Variants in KMT2C observed in about 807,000 individuals in gnomAD.
KMT2C encodes the protein lysine methyltransferase 2C.
Under a neutral mutation model 507.9 loss-of-function variants are expected in KMT2C, and 88 were observed. The observed-to-expected ratio is 0.17, with a 90% CI of 0.15 to 0.21. The LOEUF (loss-of-function observed/expected upper bound fraction) is 0.21, where lower values mean the gene tolerates loss of function less well. Among genes scored for constraint, KMT2C ranks in the 10% least tolerant of loss-of-function variants. The probability of loss-of-function intolerance (pLI) is 1.00; values close to 1 mark genes in which losing one functional copy is unlikely to be tolerated. For missense variants in KMT2C, 4,954 were observed against 5,957.8 expected (o/e 0.83, Z 5.55); for synonymous variants, 2,049 against 2,080.8 (o/e 0.98, Z 0.42).
intron 6 of KMT2C, among the ~76,000 whole-genome samples, chr7:152,283,696 T>C (rs1023893413): frequency 6.6e-6 from 1 of 152,102 alleles, no homozygotes; most frequent in Non-Finnish European, 1.5e-5. Flanking sequence ...AACATAACTT[T>C]GGTGAACAAA....
Position 152,166,207 on chromosome 7 carries a change from C to G in KMT2C, c.9750+939G>C, listed in dbSNP as rs372652842. ...GCGCAAGCTCGGCTCACCACAACCT[C>G]TGACTCCTTGGTGCAGGGATTCTCC... On this transcript the variant is annotated intron_variant, in intron 42 of 58. Coordinates refer to ENST00000262189, the MANE Select transcript of KMT2C (RefSeq NM_170606.3). Among the ~76,000 whole-genome samples, 65 of 151,092 alleles carry G rather than the reference C, an allele frequency of 4.3e-4. 1 individual carries two copies. The highest frequency in any genetic ancestry group is 1.5e-3 in the African/African-American group (63 of 41,000).
intron 2 of KMT2C, among the ~76,000 whole-genome samples, chr7:152,354,697 T>C (rs1052233425): frequency 6.6e-6 from 1 of 152,080 alleles, no homozygotes; most frequent in Non-Finnish European, 1.5e-5. Flanking sequence ...AGACAAAAAG[T>C]GCAAATGCCT....
chr7:152,215,494 A>T (rs1430290266), intron 23 of KMT2C, among the ~76,000 whole-genome samples: 1 of 137,244 alleles, frequency 7.3e-6, no homozygotes, highest in Non-Finnish European at 1.5e-5. Context: ...AGCCTGGGCG[A>T]CACAGCAAGA....
intron 16 of KMT2C, among the ~76,000 whole-genome samples, chr7:152,233,909 C>G (rs1274348037): frequency 1.3e-5 from 2 of 152,154 alleles, no homozygotes; most frequent in Non-Finnish European, 2.9e-5. Context: ...CTTTGGGAGA[C>G]GGATCATCTG....
At chr7:152,271,063 G>A (rs78253389) in intron 7 of KMT2C, among the ~76,000 whole-genome samples, 11 of 151,658 alleles carry the variant, frequency 7.3e-5, no homozygotes, top group Non-Finnish European at 1.3e-4. Flanking sequence ...TCCTTAGATA[G>A]GAGGTAAAAT....
rs869076803 is a variant in KMT2C, at chr7:152,226,219, C to CTTTTT, written c.2977-1608_2977-1604dup. Among the ~76,000 whole-genome samples, 71 of 94,946 alleles carry CTTTTT rather than the reference C, an allele frequency of 7.5e-4. 4 individuals carry two copies. Among genetic ancestry groups the CTTTTT allele is most frequent in the African/African-American group, 2.6e-3 (63 of 23,966 alleles). The allele number at this position is 94,946 out of a possible 152,430, so 62.3% of individuals were successfully genotyped here. A position where few individuals can be genotyped will look rare whatever the true frequency, so the allele number is the denominator to read the frequency against. On this transcript the variant is annotated intron_variant, in intron 18 of 58. Transcript: ENST00000262189. ...AAGAGTTGGTTGTTCATTACAAGGC[C>CTTTTT]TTTTTTTTTTTTTTTTTTTTTTTTT...
chr7:152,259,416 A>G (rs2095717719), intron 9 of KMT2C, among the ~76,000 whole-genome samples: 1 of 149,858 alleles, frequency 6.7e-6, no homozygotes, highest in African/African-American at 2.5e-5. Flanking sequence ...GTTAGGGGGA[A>G]TAGAGACAAA....
chr7:152,223,280 T>A (rs1278098227), intron 20 of KMT2C, among the ~76,000 whole-genome samples: 1 of 152,072 alleles, frequency 6.6e-6, no homozygotes, highest in African/African-American at 2.4e-5. Context: ...AAATTCCACA[T>A]AATTACGTAG....
chr7:152,153,868 G>A, intron 48 of KMT2C, 142 bp downstream of exon 48: 1 of 774,494 alleles, frequency 1.3e-6, no homozygotes, highest in Non-Finnish European at 2.1e-6. Context: ...GCAGCTGAGA[G>A]GTCTGCAGTG....
intron 1 of KMT2C, among the ~76,000 whole-genome samples, chr7:152,391,214 T>C (rs1211403156): frequency 1.3e-5 from 2 of 149,454 alleles, no homozygotes; most frequent in African/African-American, 4.9e-5. Flanking sequence ...ATGTTTTTCC[T>C]AGGTTTTTTG....
At chr7:152,432,536 T>C (rs756515319) in intron 1 of KMT2C, among the ~76,000 whole-genome samples, 7 of 152,260 alleles carry the variant, frequency 4.6e-5, no homozygotes, top group Non-Finnish European at 1.0e-4. Context: ...TAAATTTCAC[T>C]GTGCCACTTG....
chr7:152,347,653 G>A (rs1024402020), intron 2 of KMT2C, among the ~76,000 whole-genome samples: 4 of 151,954 alleles, frequency 2.6e-5, no homozygotes, highest in Admixed American at 2.0e-4. Flanking sequence ...TCTCTCAATT[G>A]CCAATGGTAC....
intron 23 of KMT2C, among the ~76,000 whole-genome samples, chr7:152,216,450 A>T (rs913909680): frequency 1.1e-4 from 17 of 152,198 alleles, no homozygotes; most frequent in African/African-American, 3.9e-4. Context: ...GATGTGTGTA[A>T]TATAATGTGT....
intron 2 of KMT2C, among the ~76,000 whole-genome samples, chr7:152,349,217 G>A (rs1035816938): frequency 1.3e-5 from 2 of 152,082 alleles, no homozygotes; most frequent in African/African-American, 4.8e-5. Flanking sequence ...AGGCTGAGGC[G>A]GGTGGATCAC....
chr7:152,367,902 GA>G, intron 1 of KMT2C: 2 of 1,053,344 alleles, frequency 1.9e-6, no homozygotes, highest in Non-Finnish European at 3.0e-6. Context: ...GCGTTCGCAT[GA>G]AAAAGTGATT....
Position 152,154,077 on chromosome 7 carries a change from G to A in KMT2C, c.12209C>T (p.Pro4070Leu), listed in dbSNP as rs774713295. ...ACCTGATCTGGGACCATTTGGGGAAGGACCAAAAGGTGACGCAAAATATAA... is the reference window on the plus strand; with the variant it reads ...ACCTGATCTGGGACCATTTGGGGAAAGACCAAAAGGTGACGCAAAATATAA... The part of the protein sequence containing the change: ...GTLYFASPFG[P>L]SPNGPRSGLI... The change falls in exon 48 of 59, where the codon CCT becomes CTT. Residue 4070 changes from proline to leucine, a missense_variant. Transcript: ENST00000262189. 6 of 1,613,598 alleles carry A rather than the reference G, an allele frequency of 3.7e-6. No individual in the cohort carries two copies. In the South Asian group the frequency reaches 6.6e-5, roughly 18 times the overall value.
At chr7:152,225,124 C>T (rs538601413) in intron 18 of KMT2C, among the ~76,000 whole-genome samples, 9 of 152,272 alleles carry the variant, frequency 5.9e-5, no homozygotes, top group Admixed American at 2.6e-4. Flanking sequence ...ATTCACTCCT[C>T]TGTTTATTCT....
chr7:152,289,401 A>G (rs1588938012), intron 6 of KMT2C, among the ~76,000 whole-genome samples: 1 of 152,364 alleles, frequency 6.6e-6, no homozygotes, highest in African/African-American at 2.4e-5. Context: ...CACATCTTTT[A>G]ATTATCTATG....
intron 28 of KMT2C, among the ~76,000 whole-genome samples, chr7:152,194,930 A>C (rs1374521561): frequency 6.6e-6 from 1 of 152,152 alleles, no homozygotes; most frequent in African/African-American, 2.4e-5. Context: ...TAGTGTTATC[A>C]AATGTACAGT....
Sources: allele counts gnomAD v4.1 joint callset (sites outside exome capture counted in the v4.1 genomes callset), GRCh38; gene constraint gnomAD v4.1.1; transcripts MANE v1.5; gene names NCBI Gene and HGNC (gene_info 2026-07-23, HGNC 2026-07-21).